Variants in ZNF518A observed in about 807,000 individuals in gnomAD.
ZNF518A encodes the protein zinc finger protein 518A.
ZNF518A carries 47 observed loss-of-function variants against 102.7 expected under a neutral mutation model. The ratio of observed to expected loss-of-function variants is 0.46; its 90% CI spans 0.36 to 0.58. The LOEUF is 0.58. ZNF518A is among the 20% of genes least tolerant of loss of function. ZNF518A has a pLI of 0.00. For synonymous variants in ZNF518A, 652 were observed against 594.6 expected, an observed-to-expected ratio of 1.10 and a Z score of -1.40; for missense variants, 1,793 against 1,699.8, an observed-to-expected ratio of 1.05 and a Z score of -0.96.
Position 96,157,623 on chromosome 10 carries a change from T to G in ZNF518A, c.1301T>G (p.Leu434Arg). 6.2e-7 allele frequency: 1 copy of G among 1,613,830 alleles called. No individual in the cohort carries two copies. The change falls in exon 6 of 6, where the codon CTA (leucine) becomes CGA (arginine). Residue 434 changes from leucine (L) to arginine (R), a missense_variant. Transcript: ENST00000316045. ...LKNVMMKNNKLAVSPNYNATF... is the reference protein window; with the variant it reads ...LKNVMMKNNKRAVSPNYNATF... The stretch of plus-strand genomic sequence containing the variant: ...AATGTAATGATGAAAAATAATAAAC[T>G]AGCAGTTTCCCCTAACTATAATGCT...
At chr10:96,137,298 G>C (rs1204650537) in intron 3 of ZNF518A, among the ~76,000 whole-genome samples, 1 of 151,726 alleles carries the variant, frequency 6.6e-6, no homozygotes, top group African/African-American at 2.4e-5. Context: ...TTTAATAAGC[G>C]TGCAGTCATA....
intron 3 of ZNF518A, among the ~76,000 whole-genome samples, chr10:96,137,721 C>T (rs1385105070): frequency 6.6e-6 from 1 of 152,166 alleles, no homozygotes; most frequent in African/African-American, 2.4e-5. Flanking sequence ...CCTTGGACTG[C>T]TCTTTTTGTT....
intron 3 of ZNF518A, among the ~76,000 whole-genome samples, chr10:96,153,804 G>A (rs941358816): frequency 6.6e-6 from 1 of 152,148 alleles, no homozygotes; most frequent in African/African-American, 2.4e-5. Flanking sequence ...TAGGACATAA[G>A]CAGTGGAAAT....
chr10:96,133,117 ATTAC>A (rs1376116428), intron 2 of ZNF518A, among the ~76,000 whole-genome samples: 2 of 152,160 alleles, frequency 1.3e-5, no homozygotes, highest in Admixed American at 6.5e-5. Context: ...TTCATAGTTT[ATTAC>A]TTAACATTTT....
chr10:96,136,970 A>G (rs2081626018), intron 3 of ZNF518A, among the ~76,000 whole-genome samples: 1 of 152,242 alleles, frequency 6.6e-6, no homozygotes, highest in Non-Finnish European at 1.5e-5. Context: ...TGTAACACAA[A>G]AGAAGCCATA....
rs1554895818 is a variant in ZNF518A at position 96,200,379 on chromosome 10, A to G, written n.36-3195A>G. 1.3e-5 allele frequency among the ~76,000 whole-genome samples: 2 copies of G among 152,154 alleles called. No homozygotes were observed. The highest frequency in any genetic ancestry group is 2.1e-4 in the South Asian group (1 of 4,826). ...CATTTGGCCTTAGCTAGGTTCCTGA[A>G]TTATTTCTTTCTTTCTCCTAAATAA... On this transcript the variant is annotated intron_variant and non_coding_transcript_variant, in intron 1 of 2. Transcript: ENST00000442635. The surrounding 1 kb of genome is among the most constrained non-coding windows in gnomAD (Gnocchi z 4.3).
rs999025801 is a variant in ZNF518A, at chr10:96,201,799, T to C, written n.36-1775T>C. ...GTTTCTCTGCCATGGATCAAAGGCA[T>C]TGGGGATATACAGCAGTTAACAAAA... On this transcript the variant is annotated intron_variant and non_coding_transcript_variant, in intron 1 of 2. Transcript: ENST00000442635. Among the ~76,000 whole-genome samples the C allele has an allele frequency of 2.0e-5, 3 of 152,282 alleles. No homozygotes were observed. The East Asian group carries it at 5.8e-4, about 29-fold the overall frequency.
chr10:96,196,954 T>C, intron 1 of ZNF518A: 1 of 1,613,630 alleles, frequency 6.2e-7, no homozygotes. Flanking sequence ...TTTTGTTGCT[T>C]CAATAAATCG....
chr10:96,158,766 A>T lies in ZNF518A; in HGVS notation c.2444A>T (p.Gln815Leu). Residue 815 changes from glutamine (Q) to leucine (L), a missense_variant, in exon 6 of 6, where the codon CAG (glutamine) becomes CTG (leucine). Physicochemically the swap from Gln to Leu is moderately radical, Grantham distance 113. Transcript: ENST00000316045. ...AAAGGCTTGCCACTTCATTGTGACC[A>T]GTCATTTCAAAAACACGAGAGAGAA... ...PNKGLPLHCDQSFQKHEREGK... is the reference protein window; with the variant it reads ...PNKGLPLHCDLSFQKHEREGK... 1 of 1,613,506 alleles carries T rather than the reference A, an allele frequency of 6.2e-7. No individual in the cohort carries two copies. The highest frequency in any genetic ancestry group is 8.5e-7 in the Non-Finnish European group (1 of 1,179,604).
downstream of ZNF518A, among the ~76,000 whole-genome samples, chr10:96,163,969 G>C (rs1554889408): frequency 1.3e-5 from 2 of 152,204 alleles, no homozygotes; most frequent in African/African-American, 2.4e-5. Flanking sequence ...TAACAGTGAA[G>C]AGACTGTAAA....
intron 1 of ZNF518A, among the ~76,000 whole-genome samples, chr10:96,174,087 G>A (rs186018090): frequency 1.1e-3 from 165 of 152,110 alleles, no homozygotes; most frequent in Admixed American, 1.8e-3. Context: ...TGTGACTAAA[G>A]CAGTGCTTAG....
intron 1 of ZNF518A, among the ~76,000 whole-genome samples, chr10:96,181,239 A>G (rs191212521): frequency 1.4e-3 from 186 of 135,024 alleles, no homozygotes; most frequent in Non-Finnish European, 1.3e-3. Flanking sequence ...TAGACTCTGG[A>G]TATTAGCCCT....
In ZNF518A at chr10:96,200,047, A is replaced by T; in HGVS notation, n.36-3527A>T. 1 of 1,359,894 alleles carries T rather than the reference A, an allele frequency of 7.4e-7. No homozygotes were observed. Among genetic ancestry groups the T allele is most frequent in the Non-Finnish European group, 9.6e-7 (1 of 1,038,894 alleles). The allele number at this position is 1,359,894 out of a possible 1,614,324, so 84.2% of individuals were successfully genotyped here. A position where few individuals can be genotyped will look rare whatever the true frequency, so the allele number is the denominator to read the frequency against. ...AAATAAATAAAATAAAATAAAATAA[A>T]AATAATAAATAATAAAAATGATCAG... On this transcript the variant is annotated intron_variant and non_coding_transcript_variant, in intron 1 of 2. Transcript: ENST00000442635. The surrounding 1 kb of genome is among the most constrained non-coding windows in gnomAD (Gnocchi z 4.3).
chr10:96,142,309 T>TGTGG (rs1564748385), intron 3 of ZNF518A, among the ~76,000 whole-genome samples: 1 of 31,366 alleles, frequency 3.2e-5, no homozygotes. Context: ...TCTTAGGGTG[T>TGTGG]GTGTGTGTGT....
rs587602628 is a variant in ZNF518A, at chr10:96,159,121, G to C, written c.2799G>C (p.Gln933His). The C allele has an allele frequency of 6.2e-7, 1 of 1,611,552 alleles. No homozygotes were observed. Among genetic ancestry groups the C allele is most frequent in the African/African-American group, 1.3e-5 (1 of 74,740 alleles). Residue 933 changes from glutamine to histidine, a missense_variant, in exon 6 of 6, where the codon CAG (glutamine) becomes CAC (histidine). Physicochemically the swap from Gln to His is conservative, Grantham distance 24. Coordinates refer to ENST00000316045, the MANE Select transcript of ZNF518A (RefSeq NM_001330736.2). ...AACAAAAAAAAACTATAATTGTTCA[G>C]ACTTCAAAAGGATTCTTAATACCAT... is the stretch of plus-strand genomic sequence containing the variant. ...NSEQKKTIIV[Q>H]TSKGFLIPLN... is the part of the protein sequence containing the mutation.
rs185651261 is a variant in ZNF518A, at chr10:96,134,375, C to T, written c.-302+727C>T. Among the ~76,000 whole-genome samples, 1,108 of 152,220 alleles carry T rather than the reference C, an allele frequency of 7.3e-3. 5 individuals are homozygous for T. The highest frequency in any genetic ancestry group is 0.012 in the Non-Finnish European group (793 of 68,010). ...CCTCCCGAGTAGCTGGGACTATAGG[C>T]GCATGCCACCATGGCTGGCTAATTT... On this transcript the variant is annotated intron_variant, in intron 3 of 5. Coordinates refer to ENST00000316045, the MANE Select transcript of ZNF518A (RefSeq NM_001330736.2).
chr10:96,165,416 C>A (rs929157887), downstream of ZNF518A, among the ~76,000 whole-genome samples: 1 of 146,476 alleles, frequency 6.8e-6, no homozygotes, highest in Admixed American at 7.0e-5. Flanking sequence ...CAGTAAGACC[C>A]GTCTATAATA....
rs2083211352 is a variant in ZNF518A, at chr10:96,177,271, T to A, written n.35+21224T>A. 2.0e-5 allele frequency among the ~76,000 whole-genome samples: 3 copies of A among 152,184 alleles called. No homozygotes were observed. The South Asian group carries it at 6.2e-4, about 32-fold the overall frequency. On this transcript the variant is annotated intron_variant and non_coding_transcript_variant, in intron 1 of 2. Transcript: ENST00000442635. ...TATTGAAGGGAAAAATAAGTCATCC[T>A]AGAATTCTATGTCTAGTGAAATCAT... is the stretch of plus-strand genomic sequence containing the variant.
At chr10:96,137,455 C>G (rs2142386555) in intron 3 of ZNF518A, among the ~76,000 whole-genome samples, 1 of 152,322 alleles carries the variant, frequency 6.6e-6, no homozygotes, top group East Asian at 1.9e-4. Context: ...AGCTTGTCAG[C>G]CTTTCTCCTC....
Sources: gnomAD v4.1 joint callset for allele counts (sites outside exome capture counted in the v4.1 genomes callset) on GRCh38, gnomAD v4.1.1 for gene constraint, Gnocchi (gnomAD v3.1) non-coding constraint, MANE v1.5 for transcripts, NCBI Gene and HGNC (gene_info 2026-07-23, HGNC 2026-07-21) for gene names.